TRPM3: variants seen among roughly 807,000 people sequenced by gnomAD.
TRPM3 encodes the protein transient receptor potential cation channel subfamily M member 3.
TRPM3 carries 77 observed loss-of-function variants against 181.2 expected under a neutral mutation model. That is an observed-to-expected ratio of 0.42 (90% CI 0.35 to 0.51). The LOEUF is 0.51. Among genes scored for constraint, TRPM3 ranks in the 20% least tolerant of loss-of-function variants. The pLI is 0.01. For synonymous variants in TRPM3, 745 were observed against 796.4 expected, an observed-to-expected ratio of 0.94 and a Z score of 1.09; for missense variants, 1,759 against 2,196.7, an observed-to-expected ratio of 0.80 and a Z score of 3.98.
chr9:71,082,618 T>C (rs531631229), intron 1 of TRPM3, among the ~76,000 whole-genome samples: 3 of 152,290 alleles, frequency 2.0e-5, no homozygotes, highest in African/African-American at 7.2e-5. Flanking sequence ...AACTACACAC[T>C]CCATAAGATG....
chr9:70,850,590 C>T (rs542013986), intron 3 of TRPM3, among the ~76,000 whole-genome samples: 1 of 152,200 alleles, frequency 6.6e-6, no homozygotes, highest in Non-Finnish European at 1.5e-5. Context: ...CCAATCATAC[C>T]TCAGTAAAGT....
chr9:71,446,817 C>CCCT, exon 1 of TRPM3: 1 of 1,547,740 alleles, frequency 6.5e-7, no homozygotes, highest in Admixed American at 2.0e-5. Flanking sequence ...TCCGCCGCAT[C>CCCT]CCTCCACTTC....
chr9:70,864,043 A>T (rs10868921), intron 2 of TRPM3, among the ~76,000 whole-genome samples: 36,044 of 151,954 alleles, frequency 0.24, 4,495 homozygotes, highest in Non-Finnish European at 0.26. Flanking sequence ...TATACAGTTT[A>T]GTTAGGAATC....
intron 1 of TRPM3, among the ~76,000 whole-genome samples, chr9:70,898,813 C>T (rs921904113): frequency 6.6e-6 from 1 of 151,432 alleles, no homozygotes; most frequent in Non-Finnish European, 1.5e-5. Flanking sequence ...TGGTTTCGTT[C>T]TACTTCTGCA....
chr9:71,007,039 C>CAAAAAAAAAAAAA (rs59442017), intron 1 of TRPM3, among the ~76,000 whole-genome samples: 27 of 27,974 alleles, frequency 9.7e-4, no homozygotes, highest in Admixed American at 1.4e-3. Context: ...AACTCCATCT[C>CAAAAAAAAAAAAA]AAAAAAAAAA....
intron 8 of TRPM3, among the ~76,000 whole-genome samples, chr9:70,760,124 A>G (rs532994081): frequency 6.6e-6 from 1 of 152,172 alleles, no homozygotes; most frequent in South Asian, 2.1e-4. Context: ...AGAATTCTGC[A>G]AAAACAGTCC....
At chr9:70,750,386 T>G (rs1037570729) in intron 8 of TRPM3, among the ~76,000 whole-genome samples, 1 of 152,208 alleles carries the variant, frequency 6.6e-6, no homozygotes, top group African/African-American at 2.4e-5. Flanking sequence ...ATTAAATAGT[T>G]TGGACACTTG....
intron 1 of TRPM3, among the ~76,000 whole-genome samples, chr9:71,157,943 A>T (rs2076088003): frequency 6.6e-6 from 1 of 152,140 alleles, no homozygotes; most frequent in Non-Finnish European, 1.5e-5. Context: ...TTGTCAAAAA[A>T]TGTCTGCATT....
Position 70,681,453 on chromosome 9 carries a change from T to A in TRPM3, c.1345+53A>T, listed in dbSNP as rs549509855. On this transcript the variant is annotated intron_variant, in intron 9 of 25. Transcript: ENST00000677713. ...CTATTATTAGGAGACATAAGGTCAC[T>A]GTATTAATTCGTTTAAATTATTTTC... is the stretch of plus-strand genomic sequence containing the variant. 4.2e-6 allele frequency: 6 copies of A among 1,432,372 alleles called. No individual in the cohort carries two copies. In the Admixed American group the frequency reaches 1.0e-4, roughly 24 times the overall value. 88.7% of individuals were successfully genotyped at this position (1,432,372 alleles called of 1,614,324 possible). A position where few individuals can be genotyped will look rare whatever the true frequency, so the allele number is the denominator to read the frequency against.
intron 1 of TRPM3, among the ~76,000 whole-genome samples, chr9:71,307,205 T>C (rs112284258): frequency 6.6e-6 from 1 of 152,216 alleles, no homozygotes; most frequent in African/African-American, 2.4e-5. Flanking sequence ...TGACGATACA[T>C]ATGATTAGTG....
At chr9:71,305,108 G>A (rs968010800) in intron 1 of TRPM3, among the ~76,000 whole-genome samples, 8 of 152,124 alleles carry the variant, frequency 5.3e-5, no homozygotes, top group African/African-American at 1.7e-4. Context: ...TACACAGCTG[G>A]TAATAGGAAT....
chr9:71,430,846 G>A (rs1316666156), intron 1 of TRPM3, among the ~76,000 whole-genome samples: 1 of 151,950 alleles, frequency 6.6e-6, no homozygotes, highest in African/African-American at 2.4e-5. Flanking sequence ...GGGTATTTTT[G>A]ATTAAATGAT....
At chr9:71,314,314 T>C (rs995809959) in intron 1 of TRPM3, among the ~76,000 whole-genome samples, 3 of 152,202 alleles carry the variant, frequency 2.0e-5, no homozygotes, top group African/African-American at 7.2e-5. Flanking sequence ...GATAGCATTT[T>C]ATCAAACTTA....
At chr9:71,381,606 G>A (rs1588755462) in intron 1 of TRPM3, among the ~76,000 whole-genome samples, 2 of 152,102 alleles carry the variant, frequency 1.3e-5, no homozygotes, top group Non-Finnish European at 2.9e-5. Context: ...TTACATGAAC[G>A]TAAACCTATG....
chr9:71,446,449 G>A lies in TRPM3; in HGVS notation c.183+204C>T, dbSNP rs536818068. 1.8e-4 allele frequency among the ~76,000 whole-genome samples: 27 copies of A among 152,230 alleles called. No individual in the cohort carries two copies. The South Asian group carries it at 5.6e-3, about 32-fold the overall frequency. On this transcript the variant is annotated intron_variant, in intron 1 of 24. Coordinates refer to the TRPM3 transcript ENST00000357533. ...TTTGCAGAGCCGCCAGAGACGTCAG[G>A]AGACCCTCCCCTGCTGAAGGGAGGG...
chr9:71,288,930 G>T (rs935917186), intron 1 of TRPM3, among the ~76,000 whole-genome samples: 6 of 151,924 alleles, frequency 3.9e-5, no homozygotes, highest in African/African-American at 1.2e-4. Flanking sequence ...GTGGAAATAG[G>T]GGGGAAAAAA....
intron 1 of TRPM3, among the ~76,000 whole-genome samples, chr9:71,272,786 T>G (rs962742013): frequency 7.2e-5 from 11 of 152,090 alleles, no homozygotes; most frequent in Admixed American, 7.2e-4. Context: ...TAAAAAGAAC[T>G]CAAATGCATA....
chr9:71,427,370 C>T (rs758599498), intron 1 of TRPM3, among the ~76,000 whole-genome samples: 25 of 152,100 alleles, frequency 1.6e-4, no homozygotes, highest in Non-Finnish European at 2.4e-4. Context: ...TTTAGAAAAT[C>T]CAGAGGATGG....
chr9:71,118,359 A>C (rs2072890840), intron 1 of TRPM3, among the ~76,000 whole-genome samples: 1 of 152,246 alleles, frequency 6.6e-6, no homozygotes, highest in Non-Finnish European at 1.5e-5. Context: ...CATTGGGTTT[A>C]ATTCATACTT....
Sources: allele counts gnomAD v4.1 joint callset (sites outside exome capture counted in the v4.1 genomes callset), GRCh38; gene constraint gnomAD v4.1.1; transcripts MANE v1.5; gene names NCBI Gene and HGNC (gene_info 2026-07-23, HGNC 2026-07-21).